PAMR1: variants seen among roughly 807,000 people sequenced by gnomAD.
The protein encoded by PAMR1 is inactive serine protease PAMR1.
A neutral mutation model predicts 81.8 loss-of-function variants in PAMR1; 88 were observed. The observed-to-expected ratio is 1.08, with a 90% CI of 0.91 to 1.28. PAMR1 has a LOEUF of 1.28. PAMR1 is among the 50% of genes most tolerant of loss of function. The pLI is 0.00. For missense variants in PAMR1, 935 were observed against 919.7 expected, an observed-to-expected ratio of 1.02 and a Z score of -0.21; for synonymous variants, 336 against 345.3, an observed-to-expected ratio of 0.97 and a Z score of 0.30.
chr11:35,526,254 T>C (rs1050981791), upstream of PAMR1, among the ~76,000 whole-genome samples: 6 of 152,210 alleles, frequency 3.9e-5, no homozygotes, highest in Non-Finnish European at 4.4e-5. Context: ...ATCCCCGTCA[T>C]GGTGAATTCA....
At chr11:35,464,290 A>C (rs1365281790) in intron 6 of PAMR1, among the ~76,000 whole-genome samples, 1 of 152,258 alleles carries the variant, frequency 6.6e-6, no homozygotes, top group African/African-American at 2.4e-5. Flanking sequence ...ACTATTCAGC[A>C]ATCATTTTTT....
Position 35,432,803 on chromosome 11 carries a change from G to A in PAMR1, c.1716C>T (p.Ile572=). 1 of 1,608,724 alleles carries A rather than the reference G, an allele frequency of 6.2e-7. No homozygotes were observed. The highest frequency in any genetic ancestry group is 8.5e-7 in the Non-Finnish European group (1 of 1,180,006). Residue 572 remains isoleucine (I), a synonymous_variant, in exon 11 of 11, where the codon ATC becomes ATT. Transcript: ENST00000619888. The part of the protein sequence containing the change: ...AILKLLDKAR[I]STRVQPICLA... The stretch of plus-strand genomic sequence containing the variant: ...GGCAGATGGGCTGGACTCGGGTGCT[G>A]ATACGGGCCTTGTCTAGGAGCTTCA...
chr11:35,515,617 T>A (rs1285533954), intron 1 of PAMR1, among the ~76,000 whole-genome samples: 8 of 152,148 alleles, frequency 5.3e-5, no homozygotes, highest in Non-Finnish European at 1.2e-4. Flanking sequence ...GGGGCCTCAG[T>A]GTTTGGGGTG....
At chr11:35,487,231 A>G (rs1850527988) in intron 3 of PAMR1, among the ~76,000 whole-genome samples, 1 of 148,304 alleles carries the variant, frequency 6.7e-6, no homozygotes, top group Admixed American at 6.7e-5. Context: ...AAAAAAAAAA[A>G]CTGAACACTT....
intron 6 of PAMR1, among the ~76,000 whole-genome samples, chr11:35,460,113 G>T (rs1051652710): frequency 7.2e-5 from 11 of 152,232 alleles, no homozygotes; most frequent in African/African-American, 2.4e-4. Context: ...GACACAGGAG[G>T]AGGGACATGT....
chr11:35,507,197 A>C (rs935175193), intron 1 of PAMR1, among the ~76,000 whole-genome samples: 2 of 151,648 alleles, frequency 1.3e-5, no homozygotes, highest in Non-Finnish European at 2.9e-5. Flanking sequence ...ATCGGCATGC[A>C]CCACCAAGCC....
At position 35,494,957 on chromosome 11, in the gene PAMR1, T is replaced by C. The variant is rs941648150; in HGVS notation, c.74-685A>G. 5.3e-5 allele frequency among the ~76,000 whole-genome samples: 8 copies of C among 152,320 alleles called. No individual in the cohort carries two copies. In the Middle Eastern group the frequency reaches 0.01, roughly 194 times the overall value. ...TCTCTTAGGTGTCTATGCTTATTTA[T>C]ATTTTTGTTAGAATACATCAGGCCA... On this transcript the variant is annotated intron_variant, in intron 1 of 10. Transcript: ENST00000619888.
intron 1 of PAMR1, among the ~76,000 whole-genome samples, chr11:35,506,365 T>C (rs1850954376): frequency 6.6e-6 from 1 of 151,840 alleles, no homozygotes; most frequent in Admixed American, 6.6e-5. Flanking sequence ...TATTTAATTT[T>C]ACCAGTGGGT....
At chr11:35,524,543 G>C (rs1414683954) in intron 1 of PAMR1, among the ~76,000 whole-genome samples, 1 of 152,178 alleles carries the variant, frequency 6.6e-6, no homozygotes, top group African/African-American at 2.4e-5. Context: ...ATAGAGTTCA[G>C]GTGACAGGTA....
chr11:35,489,505 G>A lies in PAMR1; in HGVS notation c.379+2540C>T, dbSNP rs75312853. On this transcript the variant is annotated intron_variant, in intron 3 of 10. Coordinates refer to ENST00000619888, the MANE Select transcript of PAMR1 (RefSeq NM_001001991.3). Reference sequence around the variant, plus strand: ...GGATATGGTCTTCCTCCACTCCAGCGGAGTTATGCTACAAGAGTTATCTGT... The same window carrying A: ...GGATATGGTCTTCCTCCACTCCAGCAGAGTTATGCTACAAGAGTTATCTGT... Among the ~76,000 whole-genome samples, 67 of 152,208 alleles carry A rather than the reference G, an allele frequency of 4.4e-4. 1 individual carries two copies. The East Asian group carries it at 0.012, about 27-fold the overall frequency.
chr11:35,446,210 T>C (rs896766954), intron 6 of PAMR1, among the ~76,000 whole-genome samples: 7 of 152,204 alleles, frequency 4.6e-5, no homozygotes, highest in Non-Finnish European at 8.8e-5. Context: ...GTCTATTTGA[T>C]TCTTTAATTA....
intron 10 of PAMR1, among the ~76,000 whole-genome samples, chr11:35,433,418 C>A (rs1487612079): frequency 6.6e-6 from 1 of 152,194 alleles, no homozygotes; most frequent in Non-Finnish European, 1.5e-5. Flanking sequence ...TTCCACAAGA[C>A]TTTTCCACAA....
Position 35,441,666 on chromosome 11 carries a change from G to A in PAMR1, c.848C>T (p.Pro283Leu), listed in dbSNP as rs1251509659. ...NLLEERNCSD[P>L]GGPVNGYQKI... ...CTGGTACCCATTGACTGGGCCCCCA[G>A]GGTCTGAGCAGTTTCTTTCTTCAAG... Residue 283 changes from proline (P) to leucine (L), a missense_variant, in exon 7 of 11, where the codon CCT becomes CTT. Pro to Leu is a moderately conservative substitution (Grantham distance 98). Transcript: ENST00000619888. The A allele has an allele frequency of 1.2e-6, 2 of 1,612,704 alleles. No homozygotes were observed. Among genetic ancestry groups the A allele is most frequent in the Middle Eastern group, 1.7e-4 (1 of 6,040 alleles).
intron 1 of PAMR1, among the ~76,000 whole-genome samples, chr11:35,495,909 AT>A (rs2135403531): frequency 6.6e-6 from 1 of 152,352 alleles, no homozygotes; most frequent in African/African-American, 2.4e-5. Context: ...TTTCATGAAA[AT>A]TTGACTTTTT....
intron 1 of PAMR1, among the ~76,000 whole-genome samples, chr11:35,515,258 A>G (rs10742352): frequency 0.35 from 53,214 of 151,868 alleles, 9,756 homozygotes; most frequent in East Asian, 0.61. Context: ...CCTCTTTGCC[A>G]AAAGCTTCCA....
intron 6 of PAMR1, among the ~76,000 whole-genome samples, chr11:35,454,833 G>A (rs1444311912): frequency 5.9e-5 from 9 of 152,132 alleles, no homozygotes; most frequent in Admixed American, 1.3e-4. Context: ...AAATATGCTC[G>A]CCTTGGGCTC....
intron 6 of PAMR1, among the ~76,000 whole-genome samples, chr11:35,463,751 A>G (rs1463269243): frequency 2.0e-5 from 3 of 152,174 alleles, no homozygotes; most frequent in Non-Finnish European, 4.4e-5. Context: ...TTCGGAAACA[A>G]TCTAGGGCAG....
chr11:35,463,351 G>A (rs1369427727), intron 6 of PAMR1, among the ~76,000 whole-genome samples: 4 of 152,146 alleles, frequency 2.6e-5, no homozygotes, highest in African/African-American at 7.2e-5. Context: ...GTCAGAGCCC[G>A]CAGTGTGAGC....
At chr11:35,483,272 C>T (rs1210736942) in intron 3 of PAMR1, among the ~76,000 whole-genome samples, 1 of 151,892 alleles carries the variant, frequency 6.6e-6, no homozygotes, top group Non-Finnish European at 1.5e-5. Context: ...TCCTCCTTCC[C>T]CCAGCTTCCT....
Sources: allele counts gnomAD v4.1 joint callset (sites outside exome capture counted in the v4.1 genomes callset), GRCh38; gene constraint gnomAD v4.1.1; transcripts MANE v1.5; gene names NCBI Gene and HGNC (gene_info 2026-07-23, HGNC 2026-07-21).